ADAM10: variants seen among roughly 807,000 people sequenced by gnomAD.
ADAM10 encodes the protein ADAM metallopeptidase domain 10, also known as disintegrin and metalloproteinase domain-containing protein 10.
A neutral mutation model predicts 90.1 loss-of-function variants in ADAM10; 17 were observed. The ratio of observed to expected loss-of-function variants is 0.19; its 90% CI spans 0.13 to 0.28. ADAM10 has a LOEUF of 0.28. ADAM10 is among the 10% of genes least tolerant of loss of function. The pLI is 1.00. For missense variants in ADAM10, 610 were observed against 914.3 expected (o/e 0.67, Z 4.29); for synonymous variants, 310 against 298.6 (o/e 1.04, Z -0.40).
At chr15:58,676,274 G>A (rs1211612319) in intron 4 of ADAM10, 1 of 455,684 alleles carries the variant, frequency 2.2e-6, no homozygotes, top group South Asian at 1.6e-5. Context: ...AGTTTTCTAA[G>A]CCTCAGTTTA....
chr15:58,621,359 A>G (rs1895781604), intron 11 of ADAM10, 112 bp downstream of exon 11: 1 of 1,361,620 alleles, frequency 7.3e-7, no homozygotes, highest in Non-Finnish European at 1.0e-6. Flanking sequence ...AACAACAGAT[A>G]AAAGCAAAGT....
rs1465313186 is a variant in ADAM10, at chr15:58,592,235, G to A, written c.*5312C>T. On this transcript the variant is annotated 3_prime_UTR_variant, in exon 16 of 16. Transcript: ENST00000260408. ...CTTTGTGAGGTTAGCAGTCACTGGC[G>A]ATTATTGTCTAGATCCATAAATTGT... 9.2e-5 allele frequency: 14 copies of A among 152,196 alleles called. No homozygotes were observed. Among genetic ancestry groups the A allele is most frequent in the Admixed American group, 7.9e-4 (12 of 15,286 alleles). The allele number at this position is 152,196 out of a possible 1,614,324, so 9.4% of individuals were successfully genotyped here.
chr15:58,749,372 G>A, intron 1 of ADAM10, 108 bp downstream of exon 1: 3 of 1,232,386 alleles, frequency 2.4e-6, no homozygotes, highest in Middle Eastern at 3.2e-4. Flanking sequence ...GCCGCTGGCC[G>A]GCTGGGCTGA....
At chr15:58,682,408 G>T (rs1002232579) in intron 2 of ADAM10, 94 bp from the exon 3 acceptor site, 64 of 1,502,322 alleles carry the variant, frequency 4.3e-5, no homozygotes, top group Non-Finnish European at 5.1e-5. Context: ...ACAAAATGTG[G>T]ACTGTTATGA....
At chr15:58,728,076 G>C (rs912972648) in intron 1 of ADAM10, among the ~76,000 whole-genome samples, 6 of 152,172 alleles carry the variant, frequency 3.9e-5, no homozygotes, top group African/African-American at 1.4e-4. Context: ...CAGTCACAAA[G>C]ATAGACCTTA....
At position 58,611,024 on chromosome 15, in the gene ADAM10, T is replaced by A; in HGVS notation, c.1779A>T (p.Leu593Phe). ...TTTTCTTCATACAGCATACATGGCATAATTCTTTATCATCTTTGCCATCAG... is the reference window on the plus strand; with the variant it reads ...TTTTCTTCATACAGCATACATGGCAAAATTCTTTATCATCTTTGCCATCAG... ...ASSDGKDDKE[L>F]CHVCCMKKMD... The change falls in exon 13 of 16, where the codon TTA (leucine) becomes TTT (phenylalanine). Residue 593 changes from leucine (L) to phenylalanine (F), a missense_variant. Physicochemically the swap from Leu to Phe is conservative, Grantham distance 22 (BLOSUM62 0). Coordinates refer to ENST00000260408, the MANE Select transcript of ADAM10 (RefSeq NM_001110.4). 6.2e-7 allele frequency: 1 copy of A among 1,613,616 alleles called. No individual in the cohort carries two copies. The highest frequency in any genetic ancestry group is 8.5e-7 in the Non-Finnish European group (1 of 1,179,538).
At position 58,730,238 on chromosome 15, in the gene ADAM10, A is replaced by G. The variant is rs527957022; in HGVS notation, c.56-12511T>C. ...CATGGGTGCTACCATTTAAGCAAAA[A>G]ATACCTCAACTGATGTCTCAGGCAA... On this transcript the variant is annotated intron_variant, in intron 1 of 15. Coordinates refer to ENST00000260408, the MANE Select transcript of ADAM10 (RefSeq NM_001110.4). 1.1e-4 allele frequency among the ~76,000 whole-genome samples: 16 copies of G among 152,318 alleles called. No homozygotes were observed. The South Asian group carries it at 3.1e-3, about 30-fold the overall frequency.
rs1357867716 is a variant in ADAM10, at chr15:58,594,891, C to T, written c.*2656G>A. The T allele has an allele frequency of 2.0e-5, 3 of 152,010 alleles. No individual in the cohort carries two copies. The highest frequency in any genetic ancestry group is 2.9e-5 in the Non-Finnish European group (2 of 67,982). The allele number at this position is 152,010 out of a possible 1,614,324, so 9.4% of individuals were successfully genotyped here. On this transcript the variant is annotated 3_prime_UTR_variant, in exon 16 of 16. Coordinates refer to ENST00000260408, the MANE Select transcript of ADAM10 (RefSeq NM_001110.4). ...CTCATTTAACAAGTATTACTTATAG[C>T]TAACCTTGACTAAAAAAAGAATTTG...
intron 10 of ADAM10, among the ~76,000 whole-genome samples, chr15:58,623,624 T>C (rs759202678): frequency 6.6e-6 from 1 of 152,152 alleles, no homozygotes; most frequent in Non-Finnish European, 1.5e-5. Flanking sequence ...CATGGAATAC[T>C]ACACAGCCAT....
chr15:58,650,915 T>A (rs1896669139), intron 5 of ADAM10, among the ~76,000 whole-genome samples: 1 of 152,130 alleles, frequency 6.6e-6, no homozygotes, highest in East Asian at 1.9e-4. Context: ...ACAAAGTTTA[T>A]AACTTGTCTT....
At position 58,610,855 on chromosome 15, in the gene ADAM10, C is replaced by G. The variant is rs541781829; in HGVS notation, c.1804+144G>C. ...CCATAATAATAGAGACACAATGCTA[C>G]GTTACATTTATAATCTCCTCAAGAG... On this transcript the variant is annotated intron_variant, in intron 13 of 15. Coordinates refer to ENST00000260408, the MANE Select transcript of ADAM10 (RefSeq NM_001110.4). The G allele has an allele frequency of 2.3e-5, 16 of 710,662 alleles. No individual in the cohort carries two copies. In the East Asian group the frequency reaches 4.3e-4, roughly 19 times the overall value. 44.0% of individuals were successfully genotyped at this position (710,662 alleles called of 1,614,324 possible).
At chr15:58,636,343 T>C (rs1896251095) in intron 8 of ADAM10, among the ~76,000 whole-genome samples, 1 of 152,170 alleles carries the variant, frequency 6.6e-6, no homozygotes, top group East Asian at 1.9e-4. Context: ...GTAACTTGAT[T>C]ATACAGGAAG....
intron 7 of ADAM10, among the ~76,000 whole-genome samples, chr15:58,643,180 G>A (rs1414645442): frequency 6.6e-6 from 1 of 151,930 alleles, no homozygotes; most frequent in Admixed American, 6.6e-5. Context: ...AAATTTGTCA[G>A]TAATTTAATA....
At chr15:58,637,151 C>G (rs912077498) in intron 8 of ADAM10, among the ~76,000 whole-genome samples, 1 of 152,180 alleles carries the variant, frequency 6.6e-6, no homozygotes, top group Non-Finnish European at 1.5e-5. Flanking sequence ...GTTCTGTACG[C>G]TCTCAAATTT....
chr15:58,601,450 G>C (rs1201539513), intron 14 of ADAM10, among the ~76,000 whole-genome samples: 1 of 152,152 alleles, frequency 6.6e-6, no homozygotes. Context: ...AACAGAGTGA[G>C]ACTCCACCTC....
At chr15:58,624,193 T>G (rs12907724) in intron 10 of ADAM10, among the ~76,000 whole-genome samples, 73,538 of 151,432 alleles carry the variant, frequency 0.49, 20,428 homozygotes, top group East Asian at 0.94. Flanking sequence ...GGCTGAGGCA[T>G]GAGAATCGCT....
chr15:58,629,188 T>G (rs985794405), intron 9 of ADAM10: 5 of 152,190 alleles, frequency 3.3e-5, no homozygotes, highest in Admixed American at 6.5e-5. Context: ...GAATGTCCAG[T>G]GCTATAAAAG....
At chr15:58,665,032 A>G in intron 5 of ADAM10, 65 bp downstream of exon 5, 1 of 1,204,426 alleles carries the variant, frequency 8.3e-7, no homozygotes, top group Non-Finnish European at 1.2e-6. Flanking sequence ...TATATTTTAA[A>G]TGTAGATATA....
chr15:58,615,147 G>A (rs572669591), intron 11 of ADAM10, among the ~76,000 whole-genome samples: 4 of 151,970 alleles, frequency 2.6e-5, no homozygotes, highest in African/African-American at 7.2e-5. Context: ...GGTGGCAGGC[G>A]CCTGTAGTCC....
Sources: allele counts gnomAD v4.1 joint callset (sites outside exome capture counted in the v4.1 genomes callset), GRCh38; gene constraint gnomAD v4.1.1; transcripts MANE v1.5; gene names NCBI Gene and HGNC (gene_info 2026-07-23, HGNC 2026-07-21).